Variants in TMEM117 observed in about 807,000 individuals in gnomAD.
TMEM117 encodes the protein transmembrane protein 117.
TMEM117 carries 27 observed loss-of-function variants against 52.4 expected under a neutral mutation model. The ratio of observed to expected loss-of-function variants is 0.51; its 90% CI spans 0.38 to 0.71. TMEM117 has a LOEUF of 0.71. TMEM117 is among the 30% of genes least tolerant of loss of function. The pLI, the probability that TMEM117 is intolerant of heterozygous loss-of-function variation, is 0.00. For synonymous variants in TMEM117, 215 were observed against 206.3 expected, an observed-to-expected ratio of 1.04 and a Z score of -0.36; for missense variants, 556 against 630.5, an observed-to-expected ratio of 0.88 and a Z score of 1.26.
chr12:44,041,539 C>T lies in TMEM117; in HGVS notation c.410+97197C>T, dbSNP rs968949004. Among the ~76,000 whole-genome samples the T allele has an allele frequency of 5.9e-5, 9 of 151,884 alleles. 1 individual carries two copies. The highest frequency in any genetic ancestry group is 2.2e-4 in the African/African-American group (9 of 41,322). ...ATGCAGGTTTGTTACATGGATAAAC[C>T]GCATCTGGGGTTTGGTATACACATT... On this transcript the variant is annotated intron_variant, in intron 3 of 7. Transcript: ENST00000266534.
intron 5 of TMEM117, among the ~76,000 whole-genome samples, chr12:44,224,541 TTCCTCC>T (rs996823867): frequency 6.6e-6 from 1 of 151,800 alleles, no homozygotes; most frequent in South Asian, 2.1e-4. Flanking sequence ...CCTCCTTCTC[TTCCTCC>T]TCCTCCTCCT....
intron 2 of TMEM117, among the ~76,000 whole-genome samples, chr12:43,849,666 T>C (rs1418303029): frequency 3.3e-5 from 5 of 152,158 alleles, no homozygotes; most frequent in Non-Finnish European, 5.9e-5. Context: ...GATTATATGA[T>C]GTAGTCAGCT....
At chr12:44,214,535 T>G (rs1042991982) in intron 5 of TMEM117, among the ~76,000 whole-genome samples, 8 of 152,162 alleles carry the variant, frequency 5.3e-5, no homozygotes, top group African/African-American at 1.7e-4. Context: ...GTAGTTTAAA[T>G]GTTGTAAAAA....
chr12:43,930,024 A>G (rs945789637), intron 2 of TMEM117, among the ~76,000 whole-genome samples: 3 of 152,174 alleles, frequency 2.0e-5, no homozygotes, highest in African/African-American at 7.2e-5. Context: ...AATCTTCCCT[A>G]GAGAAAATTT....
At chr12:44,297,585 A>G (rs374163082) in intron 5 of TMEM117, among the ~76,000 whole-genome samples, 5 of 152,218 alleles carry the variant, frequency 3.3e-5, no homozygotes, top group African/African-American at 1.2e-4. Context: ...AAGTGTATAT[A>G]TTTATAGCAT....
At position 44,279,810 on chromosome 12, in the gene TMEM117, G is replaced by A. The variant is rs971101589; in HGVS notation, c.609-19770G>A. ...ATTACAGGCGTGAGCCAGCGCACCC[G>A]GCCTACAATTTTCAAAGCAATCTCG... On this transcript the variant is annotated intron_variant, in intron 5 of 7. Transcript: ENST00000266534. 8.5e-5 allele frequency among the ~76,000 whole-genome samples: 13 copies of A among 152,192 alleles called. 1 individual carries two copies. Among genetic ancestry groups the A allele is most frequent in the Admixed American group, 2.0e-4 (3 of 15,292 alleles).
rs1245544430 is a variant in TMEM117, at chr12:44,023,541, A to G, written c.410+79199A>G. ...TCTAACTGGTGTGAGATGGTATCTC[A>G]TTGTGGTTTTGATTCGCATTTCTCT... On this transcript the variant is annotated intron_variant, in intron 3 of 7. Transcript: ENST00000266534. Among the ~76,000 whole-genome samples the G allele has an allele frequency of 2.0e-5, 3 of 151,800 alleles. No individual in the cohort carries two copies. In the East Asian group the frequency reaches 5.8e-4, roughly 29 times the overall value.
rs569815328 is a variant in TMEM117 at position 43,894,881 on chromosome 12, A to G, written c.278-49329A>G. Among the ~76,000 whole-genome samples, 4 of 152,206 alleles carry G rather than the reference A, an allele frequency of 2.6e-5. No individual in the cohort carries two copies. The East Asian group carries it at 5.8e-4, about 22-fold the overall frequency. On this transcript the variant is annotated intron_variant, in intron 2 of 7. Coordinates refer to ENST00000266534, the MANE Select transcript of TMEM117 (RefSeq NM_032256.3). Reference sequence around the variant, plus strand: ...TTTTTTAAATAGAATTTATGTGGCAATATTCTTAGAAAATATATACAGAAA... The same window carrying G: ...TTTTTTAAATAGAATTTATGTGGCAGTATTCTTAGAAAATATATACAGAAA...
At chr12:43,884,985 A>G (rs930805248) in intron 2 of TMEM117, among the ~76,000 whole-genome samples, 3 of 152,154 alleles carry the variant, frequency 2.0e-5, no homozygotes, top group Non-Finnish European at 4.4e-5. Context: ...CTCGCAACGT[A>G]TTTTCATACT....
Position 44,280,660 on chromosome 12 carries a change from A to G in TMEM117, c.609-18920A>G, listed in dbSNP as rs140228044. 2.0e-5 allele frequency among the ~76,000 whole-genome samples: 3 copies of G among 152,238 alleles called. No individual in the cohort carries two copies. The South Asian group carries it at 6.2e-4, about 32-fold the overall frequency. ...GGGCAGAGGTCATTCCCATGTCTCT[A>G]TATTTTAGCTCTGTGTCTTTATCAT... is the stretch of plus-strand genomic sequence containing the variant. On this transcript the variant is annotated intron_variant, in intron 5 of 7. Coordinates refer to ENST00000266534, the MANE Select transcript of TMEM117 (RefSeq NM_032256.3).
the TMEM117 span, among the ~76,000 whole-genome samples, chr12:43,818,365 C>A: frequency 2.6e-5 from 4 of 151,768 alleles, no homozygotes; most frequent in East Asian, 1.9e-4. Flanking sequence ...CTGCTCCCCC[C>A]ACTCCCACAC....
At chr12:44,288,157 C>A (rs1950659928) in intron 5 of TMEM117, among the ~76,000 whole-genome samples, 1 of 138,558 alleles carries the variant, frequency 7.2e-6, no homozygotes, top group East Asian at 1.9e-4. Context: ...AAATGGCATG[C>A]AATACAATAC....
intron 5 of TMEM117, among the ~76,000 whole-genome samples, chr12:44,262,071 T>A (rs1197525134): frequency 6.6e-6 from 1 of 152,200 alleles, no homozygotes; most frequent in African/African-American, 2.4e-5. Flanking sequence ...TTAATGTAGG[T>A]GTGAACCAGC....
intron 5 of TMEM117, among the ~76,000 whole-genome samples, chr12:44,267,708 G>A (rs1250728039): frequency 6.6e-6 from 1 of 152,016 alleles, no homozygotes; most frequent in Non-Finnish European, 1.5e-5. Flanking sequence ...TCCATTCACT[G>A]CCTCTATGAG....
intron 5 of TMEM117, among the ~76,000 whole-genome samples, chr12:44,276,558 G>A (rs1432934290): frequency 6.6e-6 from 1 of 151,532 alleles, no homozygotes; most frequent in African/African-American, 2.4e-5. Context: ...AAGTTTAATA[G>A]ATCTACTGTA....
upstream of TMEM117, among the ~76,000 whole-genome samples, chr12:43,833,982 A>G (rs1942997137): frequency 6.6e-6 from 1 of 151,644 alleles, no homozygotes; most frequent in Admixed American, 6.6e-5. Context: ...TGTCCCATCT[A>G]CTCTGGAGGC....
rs568806953 is a variant in TMEM117, at chr12:44,283,969, A to G, written c.609-15611A>G. Among the ~76,000 whole-genome samples the G allele has an allele frequency of 2.0e-5, 3 of 152,246 alleles. No individual in the cohort carries two copies. The South Asian group carries it at 6.2e-4, about 32-fold the overall frequency. Reference sequence around the variant, plus strand: ...TCTCACGAGATCTGATGTGTTTATCAGGGTTTCCACTTCTGTGTCTTTCTC... The same window carrying G: ...TCTCACGAGATCTGATGTGTTTATCGGGGTTTCCACTTCTGTGTCTTTCTC... On this transcript the variant is annotated intron_variant, in intron 5 of 7. Coordinates refer to ENST00000266534, the MANE Select transcript of TMEM117 (RefSeq NM_032256.3).
intron 3 of TMEM117, among the ~76,000 whole-genome samples, chr12:44,091,581 A>G (rs1001721141): frequency 1.3e-5 from 2 of 152,230 alleles, no homozygotes; most frequent in African/African-American, 2.4e-5. Flanking sequence ...AGGAAGGGAC[A>G]ATAAAATGTA....
At chr12:44,203,975 C>A (rs898173266) in intron 4 of TMEM117, among the ~76,000 whole-genome samples, 2 of 152,098 alleles carry the variant, frequency 1.3e-5, no homozygotes, top group Non-Finnish European at 2.9e-5. Flanking sequence ...GCTTAAGGGG[C>A]AAAATATGGA....
Sources: gnomAD v4.1 joint callset for allele counts (sites outside exome capture counted in the v4.1 genomes callset) on GRCh38, gnomAD v4.1.1 for gene constraint, MANE v1.5 for transcripts, NCBI Gene and HGNC (gene_info 2026-07-23, HGNC 2026-07-21) for gene names.